GRM5: variants seen among roughly 807,000 people sequenced by gnomAD.
The protein encoded by GRM5 is metabotropic glutamate receptor 5.
GRM5 carries 19 observed loss-of-function variants against 83.1 expected under a neutral mutation model. The ratio of observed to expected loss-of-function variants is 0.23; its 90% CI spans 0.16 to 0.34. The LOEUF is 0.34. Ranked by LOEUF, GRM5 falls within the 10% of genes least tolerant of loss-of-function variation. The pLI is 1.00. For synonymous variants in GRM5, 675 were observed against 633.6 expected (o/e 1.07, Z -0.98); for missense variants, 1,160 against 1,588.3 (o/e 0.73, Z 4.58).
chr11:88,861,914 C>G (rs1450356592), intron 2 of GRM5, among the ~76,000 whole-genome samples: 1 of 152,142 alleles, frequency 6.6e-6, no homozygotes, highest in Non-Finnish European at 1.5e-5. Flanking sequence ...GACAGTTAAA[C>G]AAAGGGGTTA....
At chr11:89,011,220 T>A (rs1425201740) in intron 2 of GRM5, among the ~76,000 whole-genome samples, 7 of 152,194 alleles carry the variant, frequency 4.6e-5, no homozygotes, top group Non-Finnish European at 2.9e-5. Flanking sequence ...TTTTAAAACT[T>A]CTGTAATTCT....
chr11:88,956,191 A>G (rs1166580146), intron 2 of GRM5, among the ~76,000 whole-genome samples: 1 of 152,144 alleles, frequency 6.6e-6, no homozygotes, highest in Non-Finnish European at 1.5e-5. Context: ...ATAAATAATC[A>G]CCTAACACTC....
At chr11:88,679,101 A>G (rs1246675976) in intron 3 of GRM5, among the ~76,000 whole-genome samples, 5 of 152,184 alleles carry the variant, frequency 3.3e-5, no homozygotes, top group Non-Finnish European at 7.3e-5. Flanking sequence ...AACTTTCTAT[A>G]TATGTTACAA....
intron 2 of GRM5, among the ~76,000 whole-genome samples, chr11:89,007,648 A>G (rs1940569084): frequency 6.6e-6 from 1 of 152,204 alleles, no homozygotes; most frequent in Non-Finnish European, 1.5e-5. Flanking sequence ...CCAAGTGTAT[A>G]AGAGGAAGAA....
At chr11:88,769,995 C>T (rs1463794643) in intron 3 of GRM5, among the ~76,000 whole-genome samples, 1 of 151,972 alleles carries the variant, frequency 6.6e-6, no homozygotes, top group Admixed American at 6.6e-5. Context: ...TCAATACCAA[C>T]AGTTATAAAT....
At chr11:88,667,088 T>C (rs1013853619) in intron 3 of GRM5, among the ~76,000 whole-genome samples, 4 of 151,988 alleles carry the variant, frequency 2.6e-5, no homozygotes, top group Non-Finnish European at 5.9e-5. Context: ...AAAAGAGAAA[T>C]TTAAGAAACT....
intron 2 of GRM5, among the ~76,000 whole-genome samples, chr11:88,903,897 A>T (rs959573474): frequency 5.3e-5 from 8 of 152,148 alleles, no homozygotes; most frequent in South Asian, 2.1e-4. Flanking sequence ...TATATTTATT[A>T]AAAAAGATGT....
At chr11:88,556,086 T>C (rs1285155591) in intron 8 of GRM5, among the ~76,000 whole-genome samples, 1 of 152,128 alleles carries the variant, frequency 6.6e-6, no homozygotes, top group African/African-American at 2.4e-5. Context: ...AAGGATGTAA[T>C]GAAAATTTGG....
intron 2 of GRM5, among the ~76,000 whole-genome samples, chr11:88,977,261 G>T (rs1008011528): frequency 2.6e-5 from 4 of 151,544 alleles, no homozygotes; most frequent in African/African-American, 7.3e-5. Flanking sequence ...CACCCAGGCT[G>T]GACTGCAGTG....
At chr11:89,025,602 A>G (rs1311633054) in intron 2 of GRM5, among the ~76,000 whole-genome samples, 2 of 152,218 alleles carry the variant, frequency 1.3e-5, no homozygotes, top group African/African-American at 2.4e-5. Context: ...AGGAAGGTGC[A>G]AAAATCAATC....
At chr11:88,764,332 A>G (rs1942584808) in intron 3 of GRM5, among the ~76,000 whole-genome samples, 1 of 151,654 alleles carries the variant, frequency 6.6e-6, no homozygotes, top group African/African-American at 2.4e-5. Flanking sequence ...AAATAAAGAC[A>G]ACACAATAAA....
intron 3 of GRM5, among the ~76,000 whole-genome samples, chr11:88,776,139 A>G (rs1281890470): frequency 1.3e-5 from 2 of 152,106 alleles, no homozygotes; most frequent in Non-Finnish European, 2.9e-5. Flanking sequence ...TTGGGTGCAT[A>G]TATATTTAGG....
At chr11:88,815,793 C>T (rs1943666068) in intron 3 of GRM5, among the ~76,000 whole-genome samples, 1 of 152,166 alleles carries the variant, frequency 6.6e-6, no homozygotes, top group African/African-American at 2.4e-5. Flanking sequence ...TTCCCATACC[C>T]ACATACCTGT....
intron 3 of GRM5, among the ~76,000 whole-genome samples, chr11:88,836,827 C>T (rs540272076): frequency 6.6e-6 from 1 of 151,786 alleles, no homozygotes; most frequent in Non-Finnish European, 1.5e-5. Flanking sequence ...CAAAAACAAA[C>T]AAAAACAAAC....
rs112289609 is a variant in GRM5, at chr11:88,874,539, T to C, written c.662-24384A>G. 1.2e-4 allele frequency among the ~76,000 whole-genome samples: 18 copies of C among 151,824 alleles called. 1 individual carries two copies. Among genetic ancestry groups the C allele is most frequent in the African/African-American group, 4.4e-4 (18 of 41,374 alleles). On this transcript the variant is annotated intron_variant, in intron 2 of 9. Transcript: ENST00000305447. The stretch of plus-strand genomic sequence containing the variant: ...ATGACGTGGATCTGAACAAAGGTTT[T>C]TGCAATAAAACCTGAAAAGCAGAGG...
At chr11:88,829,814 C>T (rs1178835191) in intron 3 of GRM5, among the ~76,000 whole-genome samples, 1 of 151,954 alleles carries the variant, frequency 6.6e-6, no homozygotes, top group Non-Finnish European at 1.5e-5. Context: ...AGTGAAGAAG[C>T]TATAAAATAA....
chr11:89,003,012 T>A (rs1291028852), intron 2 of GRM5, among the ~76,000 whole-genome samples: 2 of 152,176 alleles, frequency 1.3e-5, no homozygotes, highest in Non-Finnish European at 2.9e-5. Flanking sequence ...TTTGTGTTCT[T>A]GTTCACTGCA....
At chr11:88,738,499 T>TTCTGCTCTTCA (rs1565208406) in intron 3 of GRM5, among the ~76,000 whole-genome samples, 1 of 152,120 alleles carries the variant, frequency 6.6e-6, no homozygotes, top group Non-Finnish European at 1.5e-5. Context: ...CTTCTGCAAA[T>TTCTGCTCTTCA]GTGAAGAGCT....
intron 2 of GRM5, among the ~76,000 whole-genome samples, chr11:88,999,237 T>C (rs1486431702): frequency 1.3e-5 from 2 of 152,122 alleles, no homozygotes; most frequent in Non-Finnish European, 2.9e-5. Flanking sequence ...AATTGACAAA[T>C]GGAATCTAAT....
Sources: allele counts gnomAD v4.1 joint callset (sites outside exome capture counted in the v4.1 genomes callset), GRCh38; gene constraint gnomAD v4.1.1; transcripts MANE v1.5; gene names NCBI Gene and HGNC (gene_info 2026-07-23, HGNC 2026-07-21).